Variants in SPATA21 observed in about 807,000 individuals in gnomAD.
SPATA21 encodes the protein spermatogenesis-associated protein 21.
SPATA21 carries 47 observed loss-of-function variants against 54.8 expected under a neutral mutation model. The observed-to-expected ratio is 0.86, with a 90% CI of 0.68 to 1.09. The LOEUF is 1.09. SPATA21 is among the 50% of genes least tolerant of loss of function. The pLI, the probability that SPATA21 is intolerant of heterozygous loss-of-function variation, is 0.00. For synonymous variants in SPATA21, 245 were observed against 235.3 expected, an observed-to-expected ratio of 1.04 and a Z score of -0.38; for missense variants, 599 against 596.4, an observed-to-expected ratio of 1.00 and a Z score of -0.05.
intron 3 of SPATA21, among the ~76,000 whole-genome samples, chr1:16,424,521 G>T (rs1208924362): frequency 6.6e-6 from 1 of 151,748 alleles, no homozygotes; most frequent in African/African-American, 2.4e-5. Flanking sequence ...AGGCTCAGGG[G>T]ATCCTCCCAT....
chr1:16,413,528 A>T (rs2085914654), intron 5 of SPATA21, among the ~76,000 whole-genome samples: 1 of 152,198 alleles, frequency 6.6e-6, no homozygotes, highest in Non-Finnish European at 1.5e-5. Flanking sequence ...TCTGGGGTAT[A>T]TACCCAGAAA....
Position 16,437,294 on chromosome 1 carries a change from A to G in SPATA21, c.-353T>C, listed in dbSNP as rs2086609038. ...ATAGATGGCAGGTCCAATTATTCTCAGCAGCAGAGGTTTAGGAATGCATTT... is the reference window on the plus strand; with the variant it reads ...ATAGATGGCAGGTCCAATTATTCTCGGCAGCAGAGGTTTAGGAATGCATTT... On this transcript the variant is annotated 5_prime_UTR_variant, in exon 1 of 13. Coordinates refer to ENST00000335496, the MANE Select transcript of SPATA21 (RefSeq NM_198546.1). 6.6e-6 allele frequency: 1 copy of G among 152,294 alleles called. No individual in the cohort carries two copies. The highest frequency in any genetic ancestry group is 2.4e-5 in the African/African-American group (1 of 41,458). The allele number at this position is 152,294 out of a possible 1,614,324, so 9.4% of individuals were successfully genotyped here.
At chr1:16,425,433 A>T in intron 3 of SPATA21, 1 of 1,360,840 alleles carries the variant, frequency 7.3e-7, no homozygotes, top group Non-Finnish European at 1.0e-6. Flanking sequence ...AGATACATGC[A>T]CCAGAATGGG....
intron 5 of SPATA21, among the ~76,000 whole-genome samples, chr1:16,411,780 ACT>A (rs2085853395): frequency 8.5e-6 from 1 of 118,340 alleles, no homozygotes; most frequent in Non-Finnish European, 1.7e-5. Context: ...ACAGAGCAAG[ACT>A]CTGTCTCAAA....
At chr1:16,436,818 A>G (rs561338765) in intron 1 of SPATA21, among the ~76,000 whole-genome samples, 1 of 152,106 alleles carries the variant, frequency 6.6e-6, no homozygotes, top group South Asian at 2.1e-4. Flanking sequence ...CAAAAACCTT[A>G]GTCATGTAGC....
intron 5 of SPATA21, among the ~76,000 whole-genome samples, chr1:16,410,556 G>A (rs1262089612): frequency 2.0e-5 from 3 of 152,018 alleles, no homozygotes; most frequent in Non-Finnish European, 2.9e-5. Flanking sequence ...GACTGCAGGT[G>A]TGCACCACCA....
chr1:16,399,658 C>T, intron 11 of SPATA21, 137 bp from the exon 12 acceptor site: 1 of 977,180 alleles, frequency 1.0e-6, no homozygotes, highest in Non-Finnish European at 1.5e-6. Flanking sequence ...CCTCTCTAAG[C>T]TTCTGAGCTG....
chr1:16,425,116 A>G (rs912744127), intron 3 of SPATA21: 10 of 414,674 alleles, frequency 2.4e-5, no homozygotes, highest in African/African-American at 1.8e-4. Flanking sequence ...ACAGGGTTTT[A>G]CCATGTTGGC....
intron 7 of SPATA21, among the ~76,000 whole-genome samples, chr1:16,405,552 TG>T (rs2085612645): frequency 6.8e-6 from 1 of 146,724 alleles, no homozygotes. Flanking sequence ...TCCCAGCTAC[TG>T]GGGAGGCTCA....
intron 11 of SPATA21, 61 bp downstream of exon 11, chr1:16,400,659 C>T (rs1051153266): frequency 1.4e-5 from 22 of 1,535,054 alleles, no homozygotes; most frequent in Non-Finnish European, 1.8e-5. Context: ...GAAAGGAGAC[C>T]AGATGGGCAA....
At chr1:16,425,177 C>T (rs1570196732) in intron 3 of SPATA21, 1 of 479,388 alleles carries the variant, frequency 2.1e-6, no homozygotes, top group Non-Finnish European at 4.1e-6. Flanking sequence ...TCCAGAAGTG[C>T]TGGGATTAAC....
Position 16,409,190 on chromosome 1 carries a change from C to T in SPATA21, c.601G>A (p.Glu201Lys). ...TGATAAAGCTTTTGGAGGCTCTGCTCTTCCGGCTCCTGCCTGCAGAGGACA... is the reference window on the plus strand; with the variant it reads ...TGATAAAGCTTTTGGAGGCTCTGCTTTTCCGGCTCCTGCCTGCAGAGGACA... ...SYAKARQEPE[E>K]QSLQKLYQNR... Residue 201 changes from glutamate to lysine, a missense_variant, in exon 7 of 13, where the codon GAG becomes AAG. Coordinates refer to ENST00000335496, the MANE Select transcript of SPATA21 (RefSeq NM_198546.1). This position sits in a 1 kb window ranked among gnomAD's most constrained non-coding sequence, Gnocchi z 4.1. 1.2e-6 allele frequency: 2 copies of T among 1,614,144 alleles called. No individual in the cohort carries two copies. Among genetic ancestry groups the T allele is most frequent in the Non-Finnish European group, 1.7e-6 (2 of 1,180,024 alleles).
At chr1:16,424,244 C>A (rs1348217547) in intron 3 of SPATA21, among the ~76,000 whole-genome samples, 2 of 2,776 alleles carry the variant, frequency 7.2e-4, no homozygotes, top group African/African-American at 1.5e-3. Flanking sequence ...ACCTGGGAGG[C>A]AGAGCTTGCA....
chr1:16,435,069 C>A (rs756451361), intron 1 of SPATA21, among the ~76,000 whole-genome samples: 2 of 152,000 alleles, frequency 1.3e-5, no homozygotes, highest in Non-Finnish European at 2.9e-5. Flanking sequence ...GTTGTCCAGG[C>A]TGGTCTTGAA....
At position 16,409,871 on chromosome 1, in the gene SPATA21, CG is replaced by C; in HGVS notation, c.316del (p.Arg106GlyfsTer12). On this transcript the variant is annotated frameshift_variant, in exon 6 of 13. Coordinates refer to ENST00000335496, the MANE Select transcript of SPATA21 (RefSeq NM_198546.1). LOFTEE classifies it high-confidence loss of function. The surrounding 1 kb of genome is among the most constrained non-coding windows in gnomAD (Gnocchi z 4.1). ...GGGCGACTTCTGGGCTGTCTGGGAC[CG>C]GGCCTTCGAGGCTCTCCGATGGGAG... ...EASHRRASKARSQTAQKSPRT... is the reference protein window; with the variant it reads ...EASHRRASKAXSQTAQKSPRT... The C allele has an allele frequency of 6.2e-7, 1 of 1,611,148 alleles. No individual in the cohort carries two copies. The highest frequency in any genetic ancestry group is 8.5e-7 in the Non-Finnish European group (1 of 1,178,622).
At chr1:16,400,489 C>T in intron 11 of SPATA21, 1 of 1,283,984 alleles carries the variant, frequency 7.8e-7, no homozygotes, top group Non-Finnish European at 9.9e-7. Flanking sequence ...AACCTGTGCT[C>T]AGGCTAAGGC....
chr1:16,399,200 G>T, intron 12 of SPATA21, 144 bp downstream of exon 12: 1 of 963,996 alleles, frequency 1.0e-6, no homozygotes, highest in Non-Finnish European at 1.5e-6. Context: ...TGTCTTCTTC[G>T]CCTTTTACCC....
intron 5 of SPATA21, chr1:16,410,734 A>G: frequency 3.4e-6 from 1 of 291,734 alleles, no homozygotes; most frequent in South Asian, 2.7e-5. Flanking sequence ...TTTTGTAGAG[A>G]CAGGGTTTCA....
chr1:16,418,390 G>A (rs572759653), intron 5 of SPATA21, among the ~76,000 whole-genome samples: 30 of 152,168 alleles, frequency 2.0e-4, no homozygotes, highest in African/African-American at 6.5e-4. Context: ...TCCTGCCTCA[G>A]CCTCCCAAGT....
Sources: allele counts gnomAD v4.1 joint callset (sites outside exome capture counted in the v4.1 genomes callset), GRCh38; gene constraint gnomAD v4.1.1; non-coding constraint Gnocchi (gnomAD v3.1); transcripts MANE v1.5; gene names NCBI Gene and HGNC (gene_info 2026-07-23, HGNC 2026-07-21).